Variants in ADAM30 observed in about 807,000 individuals in gnomAD.
ADAM30 encodes ADAM metallopeptidase domain 30.
For synonymous variants in ADAM30, 382 were observed against 340.9 expected (o/e 1.12, Z -1.33); for missense variants, 960 against 959.4 (o/e 1.00, Z -0.01).
Position 119,893,625 on chromosome 1 carries a change from C to T in ADAM30, c.*339G>A, listed in dbSNP as rs1436509728. 6.9e-6 allele frequency: 2 copies of T among 290,146 alleles called. No homozygotes were observed. Among genetic ancestry groups the T allele is most frequent in the Admixed American group, 4.7e-5 (1 of 21,088 alleles). The allele number at this position is 290,146 out of a possible 1,614,324, so 18.0% of individuals were successfully genotyped here. A position where few individuals can be genotyped will look rare whatever the true frequency, so the allele number is the denominator to read the frequency against. ...AGGCAGAGGGAGAGGCAGACAATTG[C>T]TTTGTTCCCTGGGATTCTGAGAAAC... On this transcript the variant is annotated 3_prime_UTR_variant, in exon 1 of 1. Coordinates refer to ENST00000369400, the MANE Select transcript of ADAM30 (RefSeq NM_021794.4).
In ADAM30 at chr1:119,895,135, C is replaced by G. The variant is rs587601976; in HGVS notation, c.1202G>C (p.Arg401Thr). 6.2e-7 allele frequency: 1 copy of G among 1,614,164 alleles called. No individual in the cohort carries two copies. Among genetic ancestry groups the G allele is most frequent in the East Asian group, 2.2e-5 (1 of 44,878 alleles). Reference sequence around the variant, plus strand: ...GTCCTCCACAATTTTGTTTCCACATCTCTTAAGCACATAACCTAGTCCTGG... The same window carrying G: ...GTCCTCCACAATTTTGTTTCCACATGTCTTAAGCACATAACCTAGTCCTGG... ...NIPGLGYVLK[R>T]CGNKIVEDNE... Residue 401 changes from arginine to threonine, a missense_variant, in exon 1 of 1, where the codon AGA (arginine) becomes ACA (threonine). Coordinates refer to ENST00000369400, the MANE Select transcript of ADAM30 (RefSeq NM_021794.4).
chr1:119,896,464 G>A lies in ADAM30; in HGVS notation c.-128C>T, dbSNP rs973609428. On this transcript the variant is annotated 5_prime_UTR_variant, in exon 1 of 1. Transcript: ENST00000369400. ...ACCCGGCTCCCCTGGCAGGGTTTCC[G>A]GGGGAGCCCGTAGCCTCCCAGGGCT... 3.6e-6 allele frequency: 5 copies of A among 1,391,060 alleles called. No individual in the cohort carries two copies. The highest frequency in any genetic ancestry group is 3.8e-6 in the Non-Finnish European group (4 of 1,064,560). The allele number at this position is 1,391,060 out of a possible 1,614,324, so 86.2% of individuals were successfully genotyped here.
In ADAM30 at chr1:119,895,591, T is replaced by G. The variant is rs775296308; in HGVS notation, c.746A>C (p.His249Pro). Residue 249 changes from histidine (H) to proline (P), a missense_variant, in exon 1 of 1, where the codon CAC becomes CCC. Coordinates refer to ENST00000369400, the MANE Select transcript of ADAM30 (RefSeq NM_021794.4). ...TYFQDVRMRI[H>P]LKALEVWTDF... ...TGTCCATACTTCAAGAGCCTTTAAG[T>G]GTATCCTCATACGAACATCTTGAAA... 2 of 1,613,902 alleles carry G rather than the reference T, an allele frequency of 1.2e-6. No homozygotes were observed. Among genetic ancestry groups the G allele is most frequent in the East Asian group, 2.2e-5 (1 of 44,886 alleles).
At position 119,894,109 on chromosome 1, in the gene ADAM30, T is replaced by A; in HGVS notation, c.2228A>T (p.Glu743Val). ...EESKTKTVQE[E>V]SKTKTGQEES... is the part of the protein sequence containing the mutation. ...TTCCTGTCCAGTTTTTGTTTTAGAT[T>A]CTTCCTGTACAGTTTTTGTTTTAGA... The change falls in exon 1 of 1, where the codon GAA becomes GTA. Residue 743 changes from glutamate (E) to valine (V), a missense_variant. Coordinates refer to ENST00000369400, the MANE Select transcript of ADAM30 (RefSeq NM_021794.4). The A allele has an allele frequency of 6.2e-7, 1 of 1,613,450 alleles. No homozygotes were observed. The highest frequency in any genetic ancestry group is 8.5e-7 in the Non-Finnish European group (1 of 1,179,558).
rs756044316 is a variant in ADAM30 at position 119,895,413 on chromosome 1, C to G, written c.924G>C (p.Ser308=). 2 of 1,613,830 alleles carry G rather than the reference C, an allele frequency of 1.2e-6. No homozygotes were observed. Among genetic ancestry groups the G allele is most frequent in the African/African-American group, 1.3e-5 (1 of 75,004 alleles). Residue 308 remains serine, a synonymous_variant, in exon 1 of 1, where the codon TCG becomes TCC. Transcript: ENST00000369400. The part of the protein sequence containing the change: ...QRKYNDALAW[S]FGKVCSLEYA... ...ATTCTAGAGAACACACTTTTCCAAA[C>G]GACCATGCAAGAGCATCATTATATT...
Position 119,896,108 on chromosome 1 carries a change from A to G in ADAM30, c.229T>C (p.Leu77=). ...GGCAACAGAAGTCTCTTGGGCCACA[A>G]ATGGAGGACGTGCTTCTTGCCTTTT... The part of the protein sequence containing the change: ...QLKGKKHVLH[L]WPKRLLLPRH... Residue 77 remains leucine (L), a synonymous_variant, in exon 1 of 1, where the codon TTG becomes CTG. Transcript: ENST00000369400. 1.2e-6 allele frequency: 2 copies of G among 1,614,132 alleles called. No individual in the cohort carries two copies. The highest frequency in any genetic ancestry group is 1.7e-6 in the Non-Finnish European group (2 of 1,180,028).
chr1:119,894,376 T>C lies in ADAM30; in HGVS notation c.1961A>G (p.Tyr654Cys), dbSNP rs369448334. ...CTCACAGAATGGAGGTGCCCACCCA[T>C]ACATGCAGTGGCAGTTTTTTCTGTT... ...CNNRKNCHCM[Y>C]GWAPPFCEEV... The change falls in exon 1 of 1, where the codon TAT becomes TGT. Residue 654 changes from tyrosine (Y) to cysteine (C), a missense_variant. Transcript: ENST00000369400. 1.4e-5 allele frequency: 22 copies of C among 1,614,096 alleles called. No individual in the cohort carries two copies. The highest frequency in any genetic ancestry group is 1.8e-5 in the Non-Finnish European group (21 of 1,180,042).
At position 119,896,314 on chromosome 1, in the gene ADAM30, AG is replaced by A. The variant is rs1325854726; in HGVS notation, c.22del (p.Leu8SerfsTer10). 5.7e-6 allele frequency: 9 copies of A among 1,592,874 alleles called. No homozygotes were observed. Among genetic ancestry groups the A allele is most frequent in the Non-Finnish European group, 7.7e-6 (9 of 1,169,376 alleles). MRSVQIFLSQCRLLLLLV... is the reference protein window; with the variant it reads MRSVQIFXSQCRLLLLLV... ...TAGAAGGAGCAAACGGCATTGGGAG[AG>A]GAAGATCTGCACTGACCTCATGGTC... On this transcript the variant is annotated frameshift_variant, in exon 1 of 1. Transcript: ENST00000369400. LOFTEE classifies it low-confidence loss of function (END_TRUNC).
Position 119,894,669 on chromosome 1 carries a change from C to T in ADAM30, c.1668G>A (p.Arg556=). The T allele has an allele frequency of 6.2e-7, 1 of 1,614,108 alleles. No homozygotes were observed. The highest frequency in any genetic ancestry group is 1.6e-4 in the Middle Eastern group (1 of 6,062). Residue 556 remains arginine (R), a synonymous_variant, in exon 1 of 1, where the codon AGG becomes AGA. Transcript: ENST00000369400. ...TGGTTTCAACATTTATACACTGTAG[C>T]CTGCCACATATTGAATTTGCACTTT... ...KCESANSICG[R]LQCINVETIP... is the part of the protein sequence containing the mutation.
In ADAM30 at chr1:119,894,031, T is replaced by A; in HGVS notation, c.2306A>T (p.Glu769Val). The A allele has an allele frequency of 1.9e-6, 3 of 1,613,552 alleles. No individual in the cohort carries two copies. Among genetic ancestry groups the A allele is most frequent in the Non-Finnish European group, 2.5e-6 (3 of 1,179,672 alleles). The change falls in exon 1 of 1, where the codon GAA becomes GTA. Residue 769 changes from glutamate (E) to valine (V), a missense_variant. Glu to Val is a moderately radical substitution (Grantham distance 121, BLOSUM62 -2). Transcript: ENST00000369400. ...ACTTTCAATGTTTGCTTTAGATTCTTCCTGTCCAGTTTTTGCTTTAGATTC... is the reference window on the plus strand; with the variant it reads ...ACTTTCAATGTTTGCTTTAGATTCTACCTGTCCAGTTTTTGCTTTAGATTC... ...QEESKAKTGQ[E>V]ESKANIESKR...
Position 119,894,530 on chromosome 1 carries a change from G to A in ADAM30, c.1807C>T (p.Leu603=). 1 of 1,613,890 alleles carries A rather than the reference G, an allele frequency of 6.2e-7. No individual in the cohort carries two copies. Among genetic ancestry groups the A allele is most frequent in the Non-Finnish European group, 8.5e-7 (1 of 1,180,034 alleles). Residue 603 remains leucine, a synonymous_variant, in exon 1 of 1, where the codon CTA becomes TTA. Transcript: ENST00000369400. The stretch of plus-strand genomic sequence containing the variant: ...GAGGTGCCATCATTTATCATACCTA[G>A]GTCAGGTATTCCCATGGGTTTCATG... ...LSMKPMGIPD[L]GMINDGTSCG... is the part of the protein sequence containing the mutation.
At position 119,895,361 on chromosome 1, in the gene ADAM30, C is replaced by T. The variant is rs769317336; in HGVS notation, c.976G>A (p.Asp326Asn). Residue 326 changes from aspartate to asparagine, a missense_variant, in exon 1 of 1, where the codon GAT becomes AAT. Physicochemically the swap from Asp to Asn is conservative, Grantham distance 23 (BLOSUM62 1). Coordinates refer to ENST00000369400, the MANE Select transcript of ADAM30 (RefSeq NM_021794.4). Reference protein sequence around the residue: ...EYAGSVSTLLDTNILAPATWS... With the variant: ...EYAGSVSTLLNTNILAPATWS... ...GTAGCAGGGGCAAGGATATTTGTATCTAGTAAAGTACTCACTGATCCAGCA... is the reference window on the plus strand; with the variant it reads ...GTAGCAGGGGCAAGGATATTTGTATTTAGTAAAGTACTCACTGATCCAGCA... 1 of 1,614,148 alleles carries T rather than the reference C, an allele frequency of 6.2e-7. No individual in the cohort carries two copies. The highest frequency in any genetic ancestry group is 1.7e-5 in the Admixed American group (1 of 60,016).
In ADAM30 at chr1:119,895,454, A is replaced by G. The variant is rs772405019; in HGVS notation, c.883T>C (p.Leu295=). 31 of 1,613,808 alleles carry G rather than the reference A, an allele frequency of 1.9e-5. No individual in the cohort carries two copies. In the South Asian group the frequency reaches 3.1e-4, roughly 16 times the overall value. Residue 295 remains leucine, a synonymous_variant, in exon 1 of 1, where the codon TTA becomes CTA. Transcript: ENST00000369400. ...NARLSSDWAH[L]YLQRKYNDAL... The stretch of plus-strand genomic sequence containing the variant: ...TCATTATATTTTCTTTGAAGATATA[A>G]ATGTGCCCAATCTGATGACAGGCGA...
Position 119,895,972 on chromosome 1 carries a change from G to A in ADAM30, c.365C>T (p.Ser122Phe), listed in dbSNP as rs754502895. ...CATGCATGTGCTTATAGTAGCTTTA[G>A]AGTCCAGAGACTCTTTCACGGAGCC... ...YMGSVKESLD[S>F]KATISTCMGG... Residue 122 changes from serine (S) to phenylalanine (F), a missense_variant, in exon 1 of 1, where the codon TCT (serine) becomes TTT (phenylalanine). Physicochemically the swap from Ser to Phe is radical, Grantham distance 155. Coordinates refer to ENST00000369400, the MANE Select transcript of ADAM30 (RefSeq NM_021794.4). 59 of 1,614,052 alleles carry A rather than the reference G, an allele frequency of 3.7e-5. No individual in the cohort carries two copies. In the Middle Eastern group the frequency reaches 6.6e-4, roughly 18 times the overall value.
In ADAM30 at chr1:119,894,038, C is replaced by T. The variant is rs587616417; in HGVS notation, c.2299G>A (p.Gly767Arg). 3 of 1,613,426 alleles carry T rather than the reference C, an allele frequency of 1.9e-6. No individual in the cohort carries two copies. The highest frequency in any genetic ancestry group is 2.2e-5 in the East Asian group (1 of 44,776). ...TGQEESKAKTGQEESKANIES... is the reference protein window; with the variant it reads ...TGQEESKAKTRQEESKANIES... ...ATGTTTGCTTTAGATTCTTCCTGTC[C>T]AGTTTTTGCTTTAGATTCTTCCTGT... The change falls in exon 1 of 1, where the codon GGA (glycine) becomes AGA (arginine). Residue 767 changes from glycine to arginine, a missense_variant. Coordinates refer to ENST00000369400, the MANE Select transcript of ADAM30 (RefSeq NM_021794.4).
Position 119,893,807 on chromosome 1 carries a change from T to C in ADAM30, c.*157A>G, listed in dbSNP as rs1648490243. On this transcript the variant is annotated 3_prime_UTR_variant, in exon 1 of 1. Coordinates refer to ENST00000369400, the MANE Select transcript of ADAM30 (RefSeq NM_021794.4). ...CACTCGAGAAGTAGAATGCACTGGTTTGTTTCCAAAACAAGAATGCTGTTT... is the reference window on the plus strand; with the variant it reads ...CACTCGAGAAGTAGAATGCACTGGTCTGTTTCCAAAACAAGAATGCTGTTT... The C allele has an allele frequency of 7.0e-7, 1 of 1,425,320 alleles. No homozygotes were observed. Among genetic ancestry groups the C allele is most frequent in the Non-Finnish European group, 9.3e-7 (1 of 1,077,226 alleles). 88.3% of individuals were successfully genotyped at this position (1,425,320 alleles called of 1,614,324 possible).
At position 119,896,434 on chromosome 1, in the gene ADAM30, T is replaced by G; in HGVS notation, c.-98A>C. 1 of 1,428,982 alleles carries G rather than the reference T, an allele frequency of 7.0e-7. No homozygotes were observed. The highest frequency in any genetic ancestry group is 1.4e-5 in the African/African-American group (1 of 69,530). 88.5% of individuals were successfully genotyped at this position (1,428,982 alleles called of 1,614,324 possible). A position where few individuals can be genotyped will look rare whatever the true frequency, so the allele number is the denominator to read the frequency against. On this transcript the variant is annotated 5_prime_UTR_variant, in exon 1 of 1. Transcript: ENST00000369400. Reference sequence around the variant, plus strand: ...GGGCCGCCGCTAGAGGCGCCTGAGCTCAAAACCCGGCTCCCCTGGCAGGGT... The same window carrying G: ...GGGCCGCCGCTAGAGGCGCCTGAGCGCAAAACCCGGCTCCCCTGGCAGGGT...
chr1:119,895,781 A>T lies in ADAM30; in HGVS notation c.556T>A (p.Tyr186Asn). Residue 186 changes from tyrosine (Y) to asparagine (N), a missense_variant, in exon 1 of 1, where the codon TAT (tyrosine) becomes AAT (asparagine). Tyr to Asn is a moderately radical substitution (Grantham distance 143). Transcript: ENST00000369400. ...TCCCTTAGCCTCGCCTTATTCTCAT[A>T]AGGGGCCATCTGCCATTCTATTTCA... is the stretch of plus-strand genomic sequence containing the variant. ...DDEIEWQMAP[Y>N]ENKARLRDFP... 1 of 1,614,142 alleles carries T rather than the reference A, an allele frequency of 6.2e-7. No homozygotes were observed. The highest frequency in any genetic ancestry group is 8.5e-7 in the Non-Finnish European group (1 of 1,180,030).
chr1:119,893,813 C>T lies in ADAM30; in HGVS notation c.*151G>A, dbSNP rs1648490409. 5 of 1,453,386 alleles carry T rather than the reference C, an allele frequency of 3.4e-6. No homozygotes were observed. The highest frequency in any genetic ancestry group is 3.6e-6 in the Non-Finnish European group (4 of 1,099,986). 90.0% of individuals were successfully genotyped at this position (1,453,386 alleles called of 1,614,324 possible). ...AGAAGTAGAATGCACTGGTTTGTTT[C>T]CAAAACAAGAATGCTGTTTATTTGC... On this transcript the variant is annotated 3_prime_UTR_variant, in exon 1 of 1. Coordinates refer to ENST00000369400, the MANE Select transcript of ADAM30 (RefSeq NM_021794.4).
Sources: gnomAD v4.1 joint callset for allele counts on GRCh38, gnomAD v4.1.1 for gene constraint, MANE v1.5 for transcripts, NCBI Gene and HGNC (gene_info 2026-07-23, HGNC 2026-07-21) for gene names.